The following SEC31A variants were observed in gnomAD, a reference collection of about 807,000 sequenced individuals.
SEC31A encodes the protein SEC31 homolog A, COPII component, also known as protein transport protein Sec31A.
Under a neutral mutation model 151.0 loss-of-function variants are expected in SEC31A, and 70 were observed. The observed-to-expected ratio is 0.46, with a 90% CI of 0.38 to 0.57. The LOEUF is 0.57. SEC31A is among the 20% of genes least tolerant of loss of function. The pLI, the probability that SEC31A is intolerant of heterozygous loss-of-function variation, is 0.00. For synonymous variants in SEC31A, 475 were observed against 505.9 expected (o/e 0.94, Z 0.82); for missense variants, 1,330 against 1,471.2 (o/e 0.90, Z 1.57).
chr4:82,890,853 T>C (rs1278976444), intron 1 of SEC31A: 1 of 1,343,404 alleles, frequency 7.4e-7, no homozygotes, highest in African/African-American at 1.5e-5. Flanking sequence ...CGGGTGGCTT[T>C]TGCTCAGCAG....
At chr4:82,854,134 C>T (rs1025369821) in intron 17 of SEC31A, among the ~76,000 whole-genome samples, 7 of 152,036 alleles carry the variant, frequency 4.6e-5, no homozygotes, top group African/African-American at 1.4e-4. Flanking sequence ...GAGGCTGAGA[C>T]GGGCAGATCA....
At chr4:82,889,302 A>T (rs576768516) in intron 1 of SEC31A, among the ~76,000 whole-genome samples, 1 of 152,280 alleles carries the variant, frequency 6.6e-6, no homozygotes, top group East Asian at 1.9e-4. Context: ...AAACTTCATA[A>T]TATTATGTAT....
chr4:82,868,047 C>A (rs1735792393), intron 8 of SEC31A, among the ~76,000 whole-genome samples: 1 of 152,236 alleles, frequency 6.6e-6, no homozygotes, highest in Admixed American at 6.5e-5. Context: ...ATTTTAAAAT[C>A]AATCTTGAGA....
At position 82,867,326 on chromosome 4, in the gene SEC31A, C is replaced by A. The variant is rs1276388234; in HGVS notation, c.883-10G>T. ...GAAGTTCATATAACACCTAGGCCAA[C>A]AAAAAACAAACAACAAAACTCAGAA... On this transcript the variant is annotated splice_polypyrimidine_tract_variant and intron_variant, in intron 8 of 26. Coordinates refer to ENST00000395310, the MANE Select transcript of SEC31A (RefSeq NM_001077207.4). 1 of 1,608,690 alleles carries A rather than the reference C, an allele frequency of 6.2e-7. No homozygotes were observed. The highest frequency in any genetic ancestry group is 8.5e-7 in the Non-Finnish European group (1 of 1,177,530).
At chr4:82,886,632 GC>G (rs1272693735) in intron 1 of SEC31A, among the ~76,000 whole-genome samples, 1 of 152,038 alleles carries the variant, frequency 6.6e-6, no homozygotes, top group East Asian at 1.9e-4. Context: ...CTTCCTCTTT[GC>G]CAACTGTCTC....
chr4:82,875,704 G>A, intron 5 of SEC31A, 23 bp downstream of exon 5: 10 of 1,432,386 alleles, frequency 7.0e-6, no homozygotes, highest in Non-Finnish European at 9.8e-6. Flanking sequence ...TGATTACAAT[G>A]ATCAAAATCA....
chr4:82,856,730 G>A (rs1732766480), intron 16 of SEC31A, among the ~76,000 whole-genome samples: 1 of 151,998 alleles, frequency 6.6e-6, no homozygotes, highest in Non-Finnish European at 1.5e-5. Context: ...TAGCTGGGGT[G>A]ACAGAGCAAG....
chr4:82,866,927 C>A lies in SEC31A; in HGVS notation c.1078G>T (p.Gly360Cys). The change falls in exon 10 of 27, where the codon GGC (glycine) becomes TGC (cysteine). Residue 360 changes from glycine to cysteine, a missense_variant. Transcript: ENST00000395310. ...AACGGAGGAAGGGGCTGTCCTGTGCCAAAGGGATCAAGATTCCCAAAAGAT... is the reference window on the plus strand; with the variant it reads ...AACGGAGGAAGGGGCTGTCCTGTGCAAAAGGGATCAAGATTCCCAAAAGAT... ...SSSFGNLDPF[G>C]TGQPLPPLQI... 6.2e-7 allele frequency: 1 copy of A among 1,613,866 alleles called. No homozygotes were observed. The highest frequency in any genetic ancestry group is 1.1e-5 in the South Asian group (1 of 91,030).
rs764700983 is a variant in SEC31A, at chr4:82,819,242, T to A, written c.3495A>T (p.Thr1165=). 20 of 1,573,116 alleles carry A rather than the reference T, an allele frequency of 1.3e-5. No individual in the cohort carries two copies. The highest frequency in any genetic ancestry group is 3.5e-4 in the Middle Eastern group (2 of 5,742). Residue 1165 remains threonine, a synonymous_variant, in exon 27 of 27, where the codon ACA becomes ACT. Coordinates refer to ENST00000395310, the MANE Select transcript of SEC31A (RefSeq NM_001077207.4). ...DKLREQTLSP[T]ITSGLHNIAR... ...CAATGTTGTGTAAACCACTGGTGAT[T>A]GTTGGTGAAAGCTGAAACAAAAGTG...
In SEC31A at chr4:82,842,401, TAGG is replaced by T; in HGVS notation, c.2704_2706del (p.Pro902del). ...GGGGTGTTAGGGTAAGCGTTTGAAG[TAGG>T]AGGAGCAACAGGCTGCTGAGGTCGA... On this transcript the variant is annotated inframe_deletion, in exon 22 of 27. Coordinates refer to ENST00000395310, the MANE Select transcript of SEC31A (RefSeq NM_001077207.4). 2 of 1,613,872 alleles carry T rather than the reference TAGG, an allele frequency of 1.2e-6. No individual in the cohort carries two copies. The highest frequency in any genetic ancestry group is 1.7e-6 in the Non-Finnish European group (2 of 1,179,952).
At chr4:82,878,978 T>A in intron 3 of SEC31A, 50 bp from the exon 4 acceptor site, 2 of 1,429,062 alleles carry the variant, frequency 1.4e-6, no homozygotes, top group Admixed American at 1.9e-5. Flanking sequence ...CAAATAAATG[T>A]AGACAAAAAA....
chr4:82,855,271 C>A (rs1200732018), intron 16 of SEC31A, among the ~76,000 whole-genome samples: 1 of 152,154 alleles, frequency 6.6e-6, no homozygotes, highest in Non-Finnish European at 1.5e-5. Flanking sequence ...GCTATCAGAA[C>A]CTTTAATAGA....
chr4:82,837,927 T>C (rs943023818), intron 22 of SEC31A, among the ~76,000 whole-genome samples: 2 of 152,224 alleles, frequency 1.3e-5, no homozygotes, highest in African/African-American at 4.8e-5. Context: ...GCATAGAGAA[T>C]TGTGGCTAGA....
chr4:82,855,111 G>C, intron 16 of SEC31A, 82 bp from the exon 17 acceptor site: 1 of 1,183,340 alleles, frequency 8.5e-7, no homozygotes, highest in Non-Finnish European at 1.1e-6. Context: ...ATTGTGTCAA[G>C]TATTTCATGC....
chr4:82,857,628 A>G, intron 15 of SEC31A, 61 bp downstream of exon 15: 2 of 1,067,952 alleles, frequency 1.9e-6, no homozygotes, highest in South Asian at 2.6e-5. Flanking sequence ...ACTTAAATGC[A>G]GGAACTATTT....
At chr4:82,893,870 C>T (rs781771421), upstream of SEC31A, 1 of 152,246 alleles carries the variant, frequency 6.6e-6, no homozygotes, top group Non-Finnish European at 1.5e-5. Context: ...AATTTATCTA[C>T]ATCAATGCAG....
chr4:82,856,654 G>C (rs1001379139), intron 16 of SEC31A, among the ~76,000 whole-genome samples: 2 of 152,164 alleles, frequency 1.3e-5, no homozygotes, highest in African/African-American at 2.4e-5. Context: ...GGGAGGCTGA[G>C]GTAGGAGAAT....
chr4:82,842,049 C>A, intron 22 of SEC31A, 91 bp downstream of exon 22: 1 of 1,097,376 alleles, frequency 9.1e-7, no homozygotes, highest in South Asian at 1.8e-5. Context: ...ACCCAGTTTA[C>A]AAACAGTTAG....
chr4:82,881,739 T>C, intron 2 of SEC31A, 119 bp downstream of exon 2: 1 of 736,086 alleles, frequency 1.4e-6, no homozygotes, highest in Non-Finnish European at 2.4e-6. Context: ...TGATAGAATG[T>C]CAGTAACTTG....
Sources: gnomAD v4.1 joint callset for allele counts (sites outside exome capture counted in the v4.1 genomes callset) on GRCh38, gnomAD v4.1.1 for gene constraint, MANE v1.5 for transcripts, NCBI Gene and HGNC (gene_info 2026-07-23, HGNC 2026-07-21) for gene names.